The following FGFR2 variants were observed in gnomAD, a reference collection of about 807,000 sequenced individuals.
FGFR2 encodes the protein BEK fibroblast growth factor receptor.
In FGFR2, 19 loss-of-function variants were observed where a neutral mutation model predicts 95.9. The ratio of observed to expected loss-of-function variants is 0.20; its 90% CI spans 0.14 to 0.29. The LOEUF is 0.29. Ranked by LOEUF, FGFR2 falls within the 10% of genes least tolerant of loss-of-function variation. FGFR2 has a pLI of 1.00. For missense variants in FGFR2, 707 were observed against 1,056.9 expected (o/e 0.67, Z 4.59); for synonymous variants, 392 against 393.3 (o/e 1.00, Z 0.04).
In FGFR2 at chr10:121,515,220, A is replaced by C. The variant is rs2134225945; in HGVS notation, c.1184T>G (p.Val395Gly). ...VFLIACMVVTVILCRMKNTTK... is the reference protein window; with the variant it reads ...VFLIACMVVTGILCRMKNTTK... ...CGTGTTCTTCATTCGGCACAGGATG[A>C]CTGTTACCACCATACAGGCGATTAA... The change falls in exon 9 of 18, where the codon GTC (valine) becomes GGC (glycine). Residue 395 changes from valine (V) to glycine (G), a missense_variant. Val to Gly is a moderately radical substitution (Grantham distance 109). Around this residue, in one of 7 missense-constraint regions of FGFR2, gnomAD observed 194 missense variants for 267.3 expected, o/e 0.73. Coordinates refer to ENST00000358487, the MANE Select transcript of FGFR2 (RefSeq NM_000141.5). 6.2e-7 allele frequency: 1 copy of C among 1,614,128 alleles called. No individual in the cohort carries two copies. The highest frequency in any genetic ancestry group is 1.3e-5 in the African/African-American group (1 of 75,038).
intron 9 of FGFR2, among the ~76,000 whole-genome samples, chr10:121,509,120 T>C (rs1848686782): frequency 6.6e-6 from 1 of 152,246 alleles, no homozygotes; most frequent in African/African-American, 2.4e-5. Context: ...TAATCTTCCT[T>C]ATTCTTCAAT....
At chr10:121,588,350 G>A (rs1590109230) in intron 2 of FGFR2, among the ~76,000 whole-genome samples, 2 of 151,778 alleles carry the variant, frequency 1.3e-5, no homozygotes, top group Non-Finnish European at 2.9e-5. Context: ...CCCATGACAC[G>A]AGTTTACCTA....
chr10:121,571,657 C>T (rs972025958), intron 2 of FGFR2, among the ~76,000 whole-genome samples: 5 of 151,200 alleles, frequency 3.3e-5, no homozygotes, highest in African/African-American at 9.7e-5. Context: ...CAAACAAAAA[C>T]GACTGGCCGG....
intron 6 of FGFR2, among the ~76,000 whole-genome samples, chr10:121,535,640 G>A (rs1438148552): frequency 1.3e-5 from 2 of 152,144 alleles, no homozygotes; most frequent in Non-Finnish European, 2.9e-5. Context: ...GCTACTTTAG[G>A]GGAGCCCATT....
rs74348513 is a variant in FGFR2, at chr10:121,531,625, C to T, written c.748+6967G>A. ...TTAAAAGCGCTGCCTCTCCTACCAC[C>T]TCCTCCTCCCCATAGTGCTACAAGG... On this transcript the variant is annotated intron_variant, in intron 6 of 17. Transcript: ENST00000358487. The surrounding 1 kb of genome is among the most constrained non-coding windows in gnomAD (Gnocchi z 4.5). Among the ~76,000 whole-genome samples the T allele has an allele frequency of 5.9e-3, 892 of 152,216 alleles. 28 individuals carry two copies. Among genetic ancestry groups the T allele is most frequent in the Admixed American group, 0.048 (731 of 15,276 alleles).
chr10:121,483,089 A>T (rs997557449), intron 17 of FGFR2, among the ~76,000 whole-genome samples: 6 of 152,302 alleles, frequency 3.9e-5, no homozygotes, highest in East Asian at 1.9e-4. Context: ...GAGCATAAAT[A>T]TTTTAGGGAA....
At chr10:121,568,832 T>C (rs565537590) in intron 2 of FGFR2, among the ~76,000 whole-genome samples, 1 of 152,306 alleles carries the variant, frequency 6.6e-6, no homozygotes, top group South Asian at 2.1e-4. Flanking sequence ...TACCACGTGC[T>C]GTTCTAGAAG....
chr10:121,492,646 T>C (rs1846290338), intron 13 of FGFR2, among the ~76,000 whole-genome samples: 1 of 152,210 alleles, frequency 6.6e-6, no homozygotes, highest in Non-Finnish European at 1.5e-5. Flanking sequence ...TGGTTCTTCA[T>C]TCTCCACTTT....
chr10:121,559,111 G>GA (rs904279035), intron 4 of FGFR2, among the ~76,000 whole-genome samples: 1,214 of 55,062 alleles, frequency 0.022, 9 homozygotes, highest in Middle Eastern at 0.041. Context: ...TCCAAAAGGA[G>GA]AAAAAAAAAA....
chr10:121,582,705 C>T (rs1350548290), intron 2 of FGFR2, among the ~76,000 whole-genome samples: 1 of 152,160 alleles, frequency 6.6e-6, no homozygotes, highest in Non-Finnish European at 1.5e-5. Context: ...ATCGCTTGAA[C>T]CCGCGAGGCA....
intron 2 of FGFR2, among the ~76,000 whole-genome samples, chr10:121,571,959 A>T (rs1212739423): frequency 2.0e-5 from 3 of 151,712 alleles, no homozygotes; most frequent in Non-Finnish European, 4.4e-5. Flanking sequence ...AAAAATAAAA[A>T]AAAAAATTGA....
Position 121,526,051 on chromosome 10 carries a change from T to G in FGFR2, c.749-5882A>C, listed in dbSNP as rs537949901. ...TCGAATCACACGGAGTTCCCAGTAT[T>G]GATCTGGAAACAGCCAGTCTCCTGC... On this transcript the variant is annotated intron_variant, in intron 6 of 17. Coordinates refer to ENST00000358487, the MANE Select transcript of FGFR2 (RefSeq NM_000141.5). The G allele has an allele frequency of 7.6e-6, 3 of 396,736 alleles. No individual in the cohort carries two copies. The East Asian group carries it at 1.1e-4, about 14-fold the overall frequency. The allele number at this position is 396,736 out of a possible 1,614,324, so 24.6% of individuals were successfully genotyped here.
chr10:121,585,595 A>T (rs1286400798), intron 2 of FGFR2, among the ~76,000 whole-genome samples: 1 of 152,228 alleles, frequency 6.6e-6, no homozygotes, highest in East Asian at 1.9e-4. Flanking sequence ...TCACAGCATC[A>T]GTAGATAGTA....
intron 2 of FGFR2, among the ~76,000 whole-genome samples, chr10:121,588,402 G>A (rs1862147058): frequency 6.4e-5 from 2 of 31,452 alleles, no homozygotes; most frequent in African/African-American, 1.2e-4. Flanking sequence ...TAAAATAAAA[G>A]CTAAATTTAA....
chr10:121,485,015 G>A lies in FGFR2; in HGVS notation c.2195+380C>T, dbSNP rs968131987. 6.6e-6 allele frequency among the ~76,000 whole-genome samples: 1 copy of A among 152,102 alleles called. No individual in the cohort carries two copies. The highest frequency in any genetic ancestry group is 2.4e-5 in the African/African-American group (1 of 41,422). ...TCCTTAATCCTACACCCTGCAGGGC[G>A]GCCCCGCGGCTTTCTAGCTTGTTTC... On this transcript the variant is annotated intron_variant, in intron 16 of 17. Transcript: ENST00000358487. This position sits in a 1 kb window ranked among gnomAD's most constrained non-coding sequence, Gnocchi z 4.2.
At chr10:121,581,862 T>C (rs890114346) in intron 2 of FGFR2, among the ~76,000 whole-genome samples, 1 of 151,614 alleles carries the variant, frequency 6.6e-6, no homozygotes. Flanking sequence ...CGGCCCATGC[T>C]TTTCCTTCAC....
At chr10:121,582,133 T>G (rs753668324) in intron 2 of FGFR2, among the ~76,000 whole-genome samples, 1 of 152,066 alleles carries the variant, frequency 6.6e-6, no homozygotes, top group Admixed American at 6.5e-5. Context: ...CGTTTCACCA[T>G]GTTGGCCAGG....
At chr10:121,586,190 G>A (rs1361329627) in intron 2 of FGFR2, among the ~76,000 whole-genome samples, 3 of 152,182 alleles carry the variant, frequency 2.0e-5, no homozygotes, top group Admixed American at 6.5e-5. Context: ...TCAAGGGTTC[G>A]AAAATAATCA....
chr10:121,576,729 G>A (rs1437207146), intron 2 of FGFR2, among the ~76,000 whole-genome samples: 1 of 152,086 alleles, frequency 6.6e-6, no homozygotes, highest in East Asian at 1.9e-4. Flanking sequence ...TAAAGCACCT[G>A]TCTCAACAGA....
Sources: gnomAD v4.1 joint callset for allele counts (sites outside exome capture counted in the v4.1 genomes callset) on GRCh38, gnomAD v4.1.1 for gene constraint, gnomAD v4.1.1 regional missense constraint, Gnocchi (gnomAD v3.1) non-coding constraint, MANE v1.5 for transcripts, NCBI Gene and HGNC (gene_info 2026-07-23, HGNC 2026-07-21) for gene names.